FAT2: variants seen among roughly 807,000 people sequenced by gnomAD.
The protein encoded by FAT2 is protocadherin Fat 2.
FAT2 carries 150 observed loss-of-function variants against 295.3 expected under a neutral mutation model. That is an observed-to-expected ratio of 0.51 (90% CI 0.44 to 0.58). The LOEUF (loss-of-function observed/expected upper bound fraction) is 0.58. FAT2 is among the 20% of genes least tolerant of loss of function. The probability of loss-of-function intolerance (pLI) is 0.00; values close to 1 mark genes in which losing one functional copy is unlikely to be tolerated. For missense variants in FAT2, 4,868 were observed against 5,442.7 expected, an observed-to-expected ratio of 0.89 and a Z score of 3.32; for synonymous variants, 2,026 against 2,150.3, an observed-to-expected ratio of 0.94 and a Z score of 1.60.
Position 151,553,166 on chromosome 5 carries a change from C to T in FAT2, c.4156+11G>A, listed in dbSNP as rs753371761. ...GGGTTGGCCCTTGTTGGGCCCTAGG[C>T]CTTGCCTCACCTGAGATGTTGAACC... On this transcript the variant is annotated intron_variant, in intron 6 of 23. Transcript: ENST00000261800. The T allele has an allele frequency of 1.3e-5, 21 of 1,613,944 alleles. 1 individual carries two copies. The South Asian group carries it at 1.6e-4, about 13-fold the overall frequency.
intron 17 of FAT2, among the ~76,000 whole-genome samples, chr5:151,526,293 A>G (rs1205423067): frequency 1.3e-5 from 2 of 152,226 alleles, no homozygotes; most frequent in Non-Finnish European, 1.5e-5. Context: ...TGAATCATGT[A>G]TTTAAATTAG....
At position 151,566,051 on chromosome 5, in the gene FAT2, G is replaced by A. The variant is rs890117253; in HGVS notation, c.2881C>T (p.Arg961Ter). The A allele has an allele frequency of 2.5e-6, 4 of 1,613,954 alleles. No homozygotes were observed. The highest frequency in any genetic ancestry group is 2.7e-5 in the African/African-American group (2 of 74,898). The change falls in exon 2 of 24, where the codon CGA becomes TGA. Residue 961 changes from arginine (R) to a stop codon, truncating the protein, a stop_gained. Transcript: ENST00000261800. LOFTEE classifies it high-confidence loss of function. ...TGGGCGCCATCCATCAGAACATATC[G>A]CACTTCACCTGCGGGGCCCAGGTCA... ...DPDLGPAGEV[R>*]YVLMDGAHGT... is the part of the protein sequence containing the mutation.
rs766429857 is a variant in FAT2, at chr5:151,546,207, C to T, written c.4920G>A (p.Trp1640Ter). 1 of 1,614,140 alleles carries T rather than the reference C, an allele frequency of 6.2e-7. No homozygotes were observed. ...VKAEDQGSPQ[W>*]HDLATVIIHV... is the part of the protein sequence containing the mutation. Reference sequence around the variant, plus strand: ...GAATGATCACTGTAGCCAGGTCATGCCATTGTGGGGAGCCTTGATCTTCTG... The same window carrying T: ...GAATGATCACTGTAGCCAGGTCATGTCATTGTGGGGAGCCTTGATCTTCTG... Residue 1640 changes from tryptophan (W) to a stop codon, truncating the protein, a stop_gained, in exon 10 of 24, where the codon TGG becomes TGA. Transcript: ENST00000261800. LOFTEE classifies it high-confidence loss of function.
intron 11 of FAT2, among the ~76,000 whole-genome samples, chr5:151,539,313 T>C (rs1026180172): frequency 6.6e-6 from 1 of 152,206 alleles, no homozygotes; most frequent in Non-Finnish European, 1.5e-5. Flanking sequence ...GATATATGTA[T>C]TTATGTGTGT....
At position 151,544,248 on chromosome 5, in the gene FAT2, T is replaced by C. The variant is rs1756418752; in HGVS notation, c.6879A>G (p.Gln2293=). ...EGLPAQTPVI[Q]LLASDQDSGR... is the part of the protein sequence containing the mutation. ...CTGAGTCCTGGTCAGAAGCCAACAG[T>C]TGGATCACAGGGGTCTGAGCAGGCA... Residue 2293 remains glutamine, a synonymous_variant, in exon 10 of 24, where the codon CAA becomes CAG. Transcript: ENST00000261800. The C allele has an allele frequency of 6.2e-7, 1 of 1,614,166 alleles. No homozygotes were observed. Among genetic ancestry groups the C allele is most frequent in the South Asian group, 1.1e-5 (1 of 91,082 alleles).
At chr5:151,516,649 C>T (rs1369559669) in intron 20 of FAT2, among the ~76,000 whole-genome samples, 1 of 152,172 alleles carries the variant, frequency 6.6e-6, no homozygotes, top group African/African-American at 2.4e-5. Flanking sequence ...TGTTTATTGT[C>T]AGTCTCTCCC....
chr5:151,548,863 T>C (rs1756915999), intron 9 of FAT2, among the ~76,000 whole-genome samples: 1 of 152,062 alleles, frequency 6.6e-6, no homozygotes, highest in South Asian at 2.1e-4. Context: ...AAGAAACCCA[T>C]AAAATAGATA....
rs986730020 is a variant in FAT2, at chr5:151,525,927, G to C, written c.10347C>G (p.Ile3449Met). 6.2e-7 allele frequency: 1 copy of C among 1,614,196 alleles called. No individual in the cohort carries two copies. Among genetic ancestry groups the C allele is most frequent in the African/African-American group, 1.3e-5 (1 of 75,048 alleles). The change falls in exon 18 of 24, where the codon ATC (isoleucine) becomes ATG (methionine). Residue 3449 changes from isoleucine to methionine, a missense_variant. Transcript: ENST00000261800. ...TCTCTGGAGAATCTGGGTCACTCAG[G>C]ATCAGCTGCAGGACTTTGCTGCCAA... The part of the protein sequence containing the change: ...SPIGSKVLQL[I>M]LSDPDSPENG...
At chr5:151,507,111 C>G in intron 23 of FAT2, 43 bp downstream of exon 23, 1 of 1,504,004 alleles carries the variant, frequency 6.6e-7, no homozygotes, top group Non-Finnish European at 8.9e-7. Context: ...CCACCACCCA[C>G]TTCCATCAAT....
Position 151,528,025 on chromosome 5 carries a change from G to A in FAT2, c.10135C>T (p.Gln3379Ter). 3 of 1,614,222 alleles carry A rather than the reference G, an allele frequency of 1.9e-6. No individual in the cohort carries two copies. Among genetic ancestry groups the A allele is most frequent in the South Asian group, 2.2e-5 (2 of 91,086 alleles). The change falls in exon 16 of 24, where the codon CAG (glutamine) becomes TAG (stop). Residue 3379 changes from glutamine (Q) to a stop codon, truncating the protein, a stop_gained. Coordinates refer to ENST00000261800, the MANE Select transcript of FAT2 (RefSeq NM_001447.3). LOFTEE classifies it high-confidence loss of function. Reference sequence around the variant, plus strand: ...TCCCGGTCCAGGGCCTTGGCCACCTGTAGCTCCCCCTTTTTGGGGTGAATG... The same window carrying A: ...TCCCGGTCCAGGGCCTTGGCCACCTATAGCTCCCCCTTTTTGGGGTGAATG... ...FTIHPKKGEL[Q>*]VAKALDREQA...
intron 11 of FAT2, 128 bp from the exon 12 acceptor site, chr5:151,538,074 G>T: frequency 1.4e-6 from 1 of 698,086 alleles, no homozygotes; most frequent in Non-Finnish European, 2.3e-6. Context: ...GACGAAGAGA[G>T]ACAGAAAAAA....
chr5:151,542,167 C>T, intron 10 of FAT2, 118 bp downstream of exon 10: 1 of 947,408 alleles, frequency 1.1e-6, no homozygotes, highest in Non-Finnish European at 1.6e-6. Flanking sequence ...GTTAAGTGTG[C>T]CCAAGGTCAC....
At position 151,544,923 on chromosome 5, in the gene FAT2, G is replaced by T; in HGVS notation, c.6204C>A (p.Pro2068=). Residue 2068 remains proline (P), a synonymous_variant, in exon 10 of 24, where the codon CCC becomes CCA. Coordinates refer to ENST00000261800, the MANE Select transcript of FAT2 (RefSeq NM_001447.3). ...VSIEDVNDNP[P]KFKHLPYYTI... is the part of the protein sequence containing the mutation. ...TGTAATAGGGCAGATGCTTAAATTT[G>T]GGGGGATTGTCATTGACATCCTCAA... 1 of 1,614,082 alleles carries T rather than the reference G, an allele frequency of 6.2e-7. No individual in the cohort carries two copies. Among genetic ancestry groups the T allele is most frequent in the Non-Finnish European group, 8.5e-7 (1 of 1,180,010 alleles).
Position 151,544,668 on chromosome 5 carries a change from G to C in FAT2, c.6459C>G (p.Leu2153=), listed in dbSNP as rs985939069. 3 of 1,613,954 alleles carry C rather than the reference G, an allele frequency of 1.9e-6. No homozygotes were observed. The highest frequency in any genetic ancestry group is 2.5e-6 in the Non-Finnish European group (3 of 1,179,952). ...VIARDGGTPS[L]QSEEEVLVTV... ...TGACAAGTACCTCTTCCTCACTCTGGAGGGATGGCGTTCCTCCATCCCGAG... is the reference window on the plus strand; with the variant it reads ...TGACAAGTACCTCTTCCTCACTCTGCAGGGATGGCGTTCCTCCATCCCGAG... Residue 2153 remains leucine, a synonymous_variant, in exon 10 of 24, where the codon CTC becomes CTG. Transcript: ENST00000261800.
intron 8 of FAT2, among the ~76,000 whole-genome samples, chr5:151,550,200 T>C (rs1757056972): frequency 6.6e-6 from 1 of 152,184 alleles, no homozygotes; most frequent in Non-Finnish European, 1.5e-5. Flanking sequence ...TGAGCCCTCC[T>C]TACATTTTGT....
chr5:151,556,572 T>C (rs1757709527), intron 3 of FAT2, among the ~76,000 whole-genome samples, 170 bp from the exon 4 acceptor site: 1 of 152,242 alleles, frequency 6.6e-6, no homozygotes, highest in African/African-American at 2.4e-5. Flanking sequence ...TTTCCTACTT[T>C]ATCATGGTGT....
At chr5:151,551,976 GGT>G (rs56267278) in intron 6 of FAT2, among the ~76,000 whole-genome samples, 3,440 of 143,462 alleles carry the variant, frequency 0.024, 54 homozygotes, top group Admixed American at 0.063. Context: ...TAACCCTAAG[GGT>G]GTGTGTGTGT....
At chr5:151,593,918 G>T (rs1003760381), upstream of FAT2, among the ~76,000 whole-genome samples, 1 of 152,054 alleles carries the variant, frequency 6.6e-6, no homozygotes, top group Non-Finnish European at 1.5e-5. Flanking sequence ...CAGGAGAATC[G>T]CTTGAACCCG....
chr5:151,563,702 C>A (rs1758128686), intron 2 of FAT2, 63 bp from the exon 3 acceptor site: 1 of 1,412,132 alleles, frequency 7.1e-7, no homozygotes, highest in African/African-American at 1.4e-5. Context: ...TAGAAATCAC[C>A]CTTACCCACC....
Sources: allele counts gnomAD v4.1 joint callset (sites outside exome capture counted in the v4.1 genomes callset), GRCh38; gene constraint gnomAD v4.1.1; transcripts MANE v1.5; gene names NCBI Gene and HGNC (gene_info 2026-07-23, HGNC 2026-07-21).